Variants in PREPL observed in about 807,000 individuals in gnomAD.
The protein encoded by PREPL is prolyl endopeptidase-like.
Under a neutral mutation model 70.6 loss-of-function variants are expected in PREPL, and 77 were observed. That is an observed-to-expected ratio of 1.09 (90% confidence interval 0.91 to 1.32). The LOEUF is 1.32. Ranked by LOEUF, PREPL falls within the 40% of genes most tolerant of loss-of-function variation. PREPL has a pLI of 0.00. For synonymous variants in PREPL, 315 were observed against 264.8 expected, an observed-to-expected ratio of 1.19 and a Z score of -1.84; for missense variants, 1,002 against 778.2, an observed-to-expected ratio of 1.29 and a Z score of -3.42.
At chr2:44,332,793 G>A in intron 7 of PREPL, 137 bp from the exon 8 acceptor site, 2 of 639,370 alleles carry the variant, frequency 3.1e-6, no homozygotes, top group South Asian at 2.4e-5. Context: ...CTCATTCAAG[G>A]ATTACTTTAT....
In PREPL at chr2:44,339,292, G is replaced by C. The variant is rs1015181366; in HGVS notation, c.557C>G (p.Ser186Cys). Residue 186 changes from serine to cysteine, a missense_variant, in exon 6 of 14, where the codon TCT becomes TGT. Coordinates refer to ENST00000409411, the MANE Select transcript of PREPL (RefSeq NM_001171613.2). ...CAGGCCATCTATCAACCACACTTCA[G>C]AAGTAGTCTTGTTCATAATATTTAT... ...LTINIMNKTT[S>C]EVWLIDGLSP... 6.2e-7 allele frequency: 1 copy of C among 1,613,922 alleles called. No individual in the cohort carries two copies. The highest frequency in any genetic ancestry group is 8.5e-7 in the Non-Finnish European group (1 of 1,179,996).
intron 8 of PREPL, among the ~76,000 whole-genome samples, chr2:44,330,177 C>A (rs1043793595): frequency 6.6e-6 from 1 of 152,144 alleles, no homozygotes; most frequent in African/African-American, 2.4e-5. Context: ...TTTCACTTCC[C>A]AACTCTTCCC....
At chr2:44,324,776 A>G (rs1215280939) in intron 10 of PREPL, among the ~76,000 whole-genome samples, 1 of 151,888 alleles carries the variant, frequency 6.6e-6, no homozygotes, top group African/African-American at 2.4e-5. Flanking sequence ...AGTCCCAGAT[A>G]CTCAGGAGGC....
rs1672799941 is a variant in PREPL, at chr2:44,320,143, C to A, written c.*1213G>T. 3.4e-6 allele frequency: 5 copies of A among 1,450,000 alleles called. No individual in the cohort carries two copies. Among genetic ancestry groups the A allele is most frequent in the Non-Finnish European group, 3.8e-6 (4 of 1,050,890 alleles). The allele number at this position is 1,450,000 out of a possible 1,614,324, so 89.8% of individuals were successfully genotyped here. A position where few individuals can be genotyped will look rare whatever the true frequency, so the allele number is the denominator to read the frequency against. Reference sequence around the variant, plus strand: ...AACTCCTTACAATATATTAAAAATACTTACAAACAATTCTTAGAATCAAAC... The same window carrying A: ...AACTCCTTACAATATATTAAAAATAATTACAAACAATTCTTAGAATCAAAC... On this transcript the variant is annotated 3_prime_UTR_variant, in exon 14 of 14. Transcript: ENST00000409411.
At chr2:44,356,428 C>T (rs1225780072) in intron 1 of PREPL, 1 of 152,288 alleles carries the variant, frequency 6.6e-6, no homozygotes, top group South Asian at 2.1e-4. Flanking sequence ...CGCCTGTAAT[C>T]CCAGCTACTT....
At chr2:44,332,773 C>T (rs1558496055) in intron 7 of PREPL, 117 bp from the exon 8 acceptor site, 2 of 749,052 alleles carry the variant, frequency 2.7e-6, no homozygotes, top group East Asian at 2.8e-5. Context: ...TTTTTGTTAC[C>T]ACGTCATGCC....
At position 44,339,166 on chromosome 2, in the gene PREPL, C is replaced by G; in HGVS notation, c.683G>C (p.Gly228Ala). Residue 228 changes from glycine (G) to alanine (A), a missense_variant, in exon 6 of 14, where the codon GGA (glycine) becomes GCA (alanine). Physicochemically the swap from Gly to Ala is moderately conservative, Grantham distance 60. Transcript: ENST00000409411. ...DDELYILTNV[G>A]EPTEFKLMRT... ...GATTACCTTAAATTCTGTAGGTTCT[C>G]CAACATTAGTGAGAATGTATAATTC... 2 of 1,613,902 alleles carry G rather than the reference C, an allele frequency of 1.2e-6. No homozygotes were observed. The highest frequency in any genetic ancestry group is 1.7e-6 in the Non-Finnish European group (2 of 1,179,884).
At chr2:44,347,648 CTTGT>C (rs1387338697) in intron 1 of PREPL, among the ~76,000 whole-genome samples, 2 of 152,152 alleles carry the variant, frequency 1.3e-5, no homozygotes, top group Non-Finnish European at 2.9e-5. Flanking sequence ...AGTGGTTTGC[CTTGT>C]TTAAGCAAAA....
chr2:44,344,281 T>C (rs1271980732), intron 3 of PREPL, among the ~76,000 whole-genome samples: 1 of 152,148 alleles, frequency 6.6e-6, no homozygotes. Flanking sequence ...CCTAGCATAG[T>C]ACCCAAGACA....
At chr2:44,326,036 G>A (rs1673455331) in intron 10 of PREPL, among the ~76,000 whole-genome samples, 1 of 152,180 alleles carries the variant, frequency 6.6e-6, no homozygotes, top group Non-Finnish European at 1.5e-5. Context: ...ATGTTGATGG[G>A]CAGTAGCCTG....
intron 1 of PREPL, among the ~76,000 whole-genome samples, chr2:44,350,965 C>CT (rs34798485): frequency 0.55 from 83,119 of 150,206 alleles, 24,733 homozygotes; most frequent in Non-Finnish European, 0.68. Context: ...AACTCCCTGG[C>CT]TTTTTTTTTG....
chr2:44,339,292 GA>G lies in PREPL; in HGVS notation c.556del (p.Ser186LeufsTer5). The G allele has an allele frequency of 6.2e-7, 1 of 1,614,040 alleles. No individual in the cohort carries two copies. Among genetic ancestry groups the G allele is most frequent in the Non-Finnish European group, 8.5e-7 (1 of 1,179,988 alleles). On this transcript the variant is annotated frameshift_variant, in exon 6 of 14. Transcript: ENST00000409411. LOFTEE classifies it high-confidence loss of function. ...CAGGCCATCTATCAACCACACTTCA[GA>G]AGTAGTCTTGTTCATAATATTTATG... ...LTINIMNKTT[S>X]EVWLIDGLSP...
rs1383161363 is a variant in PREPL at position 44,320,730 on chromosome 2, A to G, written c.*626T>C. The stretch of plus-strand genomic sequence containing the variant: ...ATGTACAGCATGCTGCTTGGTGAAC[A>G]ATCATTAATTCTTCGATATTTCTGT... On this transcript the variant is annotated 3_prime_UTR_variant, in exon 14 of 14. Coordinates refer to ENST00000409411, the MANE Select transcript of PREPL (RefSeq NM_001171613.2). 2 of 986,516 alleles carry G rather than the reference A, an allele frequency of 2.0e-6. No individual in the cohort carries two copies. Among genetic ancestry groups the G allele is most frequent in the African/African-American group, 3.2e-5 (2 of 62,710 alleles). The allele number at this position is 986,516 out of a possible 1,614,324, so 61.1% of individuals were successfully genotyped here.
intron 1 of PREPL, among the ~76,000 whole-genome samples, chr2:44,357,286 AACT>A (rs1677154113): frequency 6.6e-6 from 1 of 152,218 alleles, no homozygotes; most frequent in South Asian, 2.1e-4. Context: ...TAAAAGCAGT[AACT>A]ACTTTTTCTA....
At position 44,319,919 on chromosome 2, in the gene PREPL, A is replaced by G. The variant is rs569078123; in HGVS notation, c.*1437T>C. ...CATGGACATTTGCTTTGGGACTCCT[A>G]AAGTGGAGTCAAATTTGATCTCTAC... On this transcript the variant is annotated 3_prime_UTR_variant, in exon 14 of 14. Coordinates refer to ENST00000409411, the MANE Select transcript of PREPL (RefSeq NM_001171613.2). 5.1e-5 allele frequency: 19 copies of G among 370,102 alleles called. No individual in the cohort carries two copies. The highest frequency in any genetic ancestry group is 7.8e-4 in the Middle Eastern group (1 of 1,274). 22.9% of individuals were successfully genotyped at this position (370,102 alleles called of 1,614,324 possible). A position where few individuals can be genotyped will look rare whatever the true frequency, so the allele number is the denominator to read the frequency against.
chr2:44,327,086 C>A (rs1572851289), intron 9 of PREPL, among the ~76,000 whole-genome samples, 158 bp from the exon 10 acceptor site: 1 of 152,278 alleles, frequency 6.6e-6, no homozygotes, highest in East Asian at 1.9e-4. Flanking sequence ...GAATGTGCAA[C>A]AGAAACTGTA....
chr2:44,349,146 G>A (rs1010325447), intron 1 of PREPL, among the ~76,000 whole-genome samples: 6 of 152,174 alleles, frequency 3.9e-5, no homozygotes, highest in African/African-American at 1.2e-4. Flanking sequence ...GAAGGAGAAT[G>A]ATATGTGTTA....
intron 5 of PREPL, among the ~76,000 whole-genome samples, chr2:44,340,571 T>C (rs1675104241): frequency 6.6e-6 from 1 of 152,174 alleles, no homozygotes; most frequent in South Asian, 2.1e-4. Flanking sequence ...TTTTGTGAAA[T>C]GTGTGTCTAT....
chr2:44,323,758 A>AAAC (rs534544261), intron 10 of PREPL, among the ~76,000 whole-genome samples: 20 of 152,130 alleles, frequency 1.3e-4, no homozygotes, highest in Non-Finnish European at 1.8e-4. Context: ...TATTATATTA[A>AAAC]AACAACAACA....
Sources: gnomAD v4.1 joint callset for allele counts (sites outside exome capture counted in the v4.1 genomes callset) on GRCh38, gnomAD v4.1.1 for gene constraint, MANE v1.5 for transcripts, NCBI Gene and HGNC (gene_info 2026-07-23, HGNC 2026-07-21) for gene names.